The following XRCC5 variants were observed in gnomAD, a reference collection of about 807,000 sequenced individuals.
XRCC5 encodes the protein DNA repair protein Ku80.
In XRCC5, 12 loss-of-function variants were observed where a neutral mutation model predicts 95.7. The observed-to-expected ratio is 0.13, with a 90% CI of 0.08 to 0.20. The LOEUF is 0.20. Ranked by LOEUF, XRCC5 falls within the 10% of genes least tolerant of loss-of-function variation. The pLI, the probability that XRCC5 is intolerant of heterozygous loss-of-function variation, is 1.00. For synonymous variants in XRCC5, 281 were observed against 290.3 expected (o/e 0.97, Z 0.33); for missense variants, 595 against 873.9 (o/e 0.68, Z 4.02).
At chr2:216,175,348 A>G (rs1689252849) in intron 16 of XRCC5, 1 of 467,578 alleles carries the variant, frequency 2.1e-6, no homozygotes, top group African/African-American at 2.0e-5. Flanking sequence ...TACTTGCACC[A>G]CTTCCAGAGT....
intron 7 of XRCC5, 133 bp downstream of exon 7, chr2:216,126,164 T>C: frequency 1.4e-6 from 1 of 695,336 alleles, no homozygotes; most frequent in Non-Finnish European, 2.4e-6. Context: ...TCCCTGCTCA[T>C]TTAATCTCTG....
At chr2:216,186,278 G>A (rs1255389701) in intron 16 of XRCC5, among the ~76,000 whole-genome samples, 1 of 152,192 alleles carries the variant, frequency 6.6e-6, no homozygotes, top group African/African-American at 2.4e-5. Flanking sequence ...TGGGTGTTTT[G>A]ACCTTGGTGA....
chr2:216,170,719 C>T (rs1689149219), intron 16 of XRCC5, among the ~76,000 whole-genome samples: 2 of 152,166 alleles, frequency 1.3e-5, no homozygotes, highest in Admixed American at 6.5e-5. Context: ...CAATTGGTTC[C>T]GATGGAAATG....
intron 13 of XRCC5, among the ~76,000 whole-genome samples, chr2:216,147,092 G>C (rs1407183740): frequency 2.0e-5 from 3 of 151,780 alleles, no homozygotes; most frequent in African/African-American, 7.3e-5. Context: ...TGGTAGAATG[G>C]GGTGGAGGGG....
intron 10 of XRCC5, among the ~76,000 whole-genome samples, chr2:216,135,942 T>C (rs1214393270): frequency 2.6e-5 from 4 of 152,298 alleles, no homozygotes; most frequent in Non-Finnish European, 5.9e-5. Flanking sequence ...GTTTAGGTTT[T>C]AGTCTTGTCG....
At chr2:216,117,662 C>A (rs1696724270) in intron 3 of XRCC5, 84 bp from the exon 4 acceptor site, 2 of 1,431,772 alleles carry the variant, frequency 1.4e-6, no homozygotes, top group Non-Finnish European at 2.0e-6. Context: ...TCCACAATTT[C>A]CAGCACGGTG....
rs41297772 is a variant in XRCC5, at chr2:216,116,345, C to G, written c.136-314C>G. Among the ~76,000 whole-genome samples, 3 of 152,150 alleles carry G rather than the reference C, an allele frequency of 2.0e-5. No homozygotes were observed. In the East Asian group the frequency reaches 5.8e-4, roughly 29 times the overall value. The stretch of plus-strand genomic sequence containing the variant: ...ACATACTAAAATCTTTTCACATTAC[C>G]CATTTTTGGTTCTCTCATTGAGAAT... On this transcript the variant is annotated intron_variant, in intron 2 of 20. Coordinates refer to ENST00000392132, the MANE Select transcript of XRCC5 (RefSeq NM_021141.4).
chr2:216,204,449 G>GTAAATACAGCCAC lies in XRCC5; in HGVS notation c.2184+54_2184+66dup. ...TTCTATGATTGAAGTCACCTGAGCT[G>GTAAATACAGCCAC]TAAATACAGCCACAAAGGCTGATTA... On this transcript the variant is annotated intron_variant, in intron 20 of 20. Transcript: ENST00000392132. 2.5e-6 allele frequency: 4 copies of GTAAATACAGCCAC among 1,589,308 alleles called. No individual in the cohort carries two copies. In the South Asian group the frequency reaches 3.3e-5, roughly 13 times the overall value.
chr2:216,127,943 A>T (rs944664072), intron 8 of XRCC5: 9 of 191,022 alleles, frequency 4.7e-5, no homozygotes, highest in Non-Finnish European at 8.5e-5. Context: ...TTTATTTTAA[A>T]GTTTGAAACT....
Position 216,205,271 on chromosome 2 carries a change from T to C in XRCC5, c.*69T>C, listed in dbSNP as rs1689922791. 2 of 1,606,400 alleles carry C rather than the reference T, an allele frequency of 1.2e-6. No individual in the cohort carries two copies. The highest frequency in any genetic ancestry group is 1.1e-5 in the South Asian group (1 of 90,804). On this transcript the variant is annotated 3_prime_UTR_variant, in exon 21 of 21. Transcript: ENST00000392132. ...ATGCTGGGAGTTCTAACAAAACAAG[T>C]TGGATGCGGCCATTCAAGGGGAGCC...
In XRCC5 at chr2:216,130,897, A is replaced by T; in HGVS notation, c.960A>T (p.Ile320=). The change falls in exon 9 of 21, where the codon ATA becomes ATT. Residue 320 remains isoleucine, a synonymous_variant. Coordinates refer to ENST00000392132, the MANE Select transcript of XRCC5 (RefSeq NM_021141.4). ...IIQGFRYGSD[I]VPFSKVDEEQ... ...CAGGGTTCCGCTATGGAAGTGATATAGTTCCTTTCTCTAAAGTGGATGAGG... is the reference window on the plus strand; with the variant it reads ...CAGGGTTCCGCTATGGAAGTGATATTGTTCCTTTCTCTAAAGTGGATGAGG... 2 of 1,612,492 alleles carry T rather than the reference A, an allele frequency of 1.2e-6. No homozygotes were observed. The highest frequency in any genetic ancestry group is 1.7e-6 in the Non-Finnish European group (2 of 1,179,404).
At chr2:216,131,210 G>C (rs1696988969) in intron 9 of XRCC5, 1 of 985,238 alleles carries the variant, frequency 1.0e-6, no homozygotes, top group South Asian at 4.7e-5. Context: ...TAAAAATACA[G>C]GATGGTTTTT....
rs193155738 is a variant in XRCC5 at position 216,125,424 on chromosome 2, C to T, written c.684-493C>T. On this transcript the variant is annotated intron_variant, in intron 6 of 20. Coordinates refer to ENST00000392132, the MANE Select transcript of XRCC5 (RefSeq NM_021141.4). ...GTTGGTCAGGCTGATCTTGAGCTCC[C>T]GACCTCAGGTGATCCGCCTGCCTTG... Among the ~76,000 whole-genome samples, 67 of 152,072 alleles carry T rather than the reference C, an allele frequency of 4.4e-4. 1 individual carries two copies. In the Middle Eastern group the frequency reaches 0.01, roughly 23 times the overall value.
At chr2:216,156,904 C>T in intron 14 of XRCC5, 2 of 323,378 alleles carry the variant, frequency 6.2e-6, no homozygotes, top group South Asian at 5.3e-5. Context: ...GGAAGAAGGG[C>T]TTTTGAATAT....
At chr2:216,121,979 T>C (rs1696820466) in intron 5 of XRCC5, 83 bp from the exon 6 acceptor site, 8 of 1,249,962 alleles carry the variant, frequency 6.4e-6, no homozygotes, top group East Asian at 2.6e-5. Flanking sequence ...TTGAAAAGGT[T>C]GACTGATGTG....
At chr2:216,198,852 T>G (rs1210048583) in intron 19 of XRCC5, among the ~76,000 whole-genome samples, 1 of 152,178 alleles carries the variant, frequency 6.6e-6, no homozygotes, top group South Asian at 2.1e-4. Flanking sequence ...CAGCCATGCC[T>G]GGCCTGAAAA....
Position 216,203,495 on chromosome 2 carries a change from AC to A in XRCC5, c.2110-826del, listed in dbSNP as rs41296819. Among the ~76,000 whole-genome samples the A allele has an allele frequency of 6.6e-4, 100 of 152,312 alleles. 1 individual carries two copies. In the East Asian group the frequency reaches 0.013, roughly 19 times the overall value. The stretch of plus-strand genomic sequence containing the variant: ...CTCCCCACTGCTATCCCTTGGAGGG[AC>A]AGGATGGAAAAAGAGTGTTCAGATA... On this transcript the variant is annotated intron_variant, in intron 19 of 20. Coordinates refer to ENST00000392132, the MANE Select transcript of XRCC5 (RefSeq NM_021141.4).
intron 14 of XRCC5, among the ~76,000 whole-genome samples, chr2:216,152,119 A>G (rs988435749): frequency 1.4e-4 from 22 of 152,216 alleles, no homozygotes; most frequent in African/African-American, 5.3e-4. Context: ...CTCTCTCCCT[A>G]AACACCTGGG....
chr2:216,141,839 G>T (rs1009273693), intron 13 of XRCC5, among the ~76,000 whole-genome samples: 1 of 152,010 alleles, frequency 6.6e-6, no homozygotes, highest in African/African-American at 2.4e-5. Context: ...CATCACTTGA[G>T]GTCAGGAGTT....
Sources: gnomAD v4.1 joint callset for allele counts (sites outside exome capture counted in the v4.1 genomes callset) on GRCh38, gnomAD v4.1.1 for gene constraint, MANE v1.5 for transcripts, NCBI Gene and HGNC (gene_info 2026-07-23, HGNC 2026-07-21) for gene names.